CNTN3: variants seen among roughly 807,000 people sequenced by gnomAD.
CNTN3 encodes contactin-3.
Under a neutral mutation model 119.1 loss-of-function variants are expected in CNTN3, and 60 were observed. That is an observed-to-expected ratio of 0.50 (90% CI 0.41 to 0.62). The LOEUF (loss-of-function observed/expected upper bound fraction) is 0.62, where lower values mean the gene tolerates loss of function less well. Ranked by LOEUF, CNTN3 falls within the 20% of genes least tolerant of loss-of-function variation. The probability of loss-of-function intolerance (pLI) is 0.00; values close to 1 mark genes in which losing one functional copy is unlikely to be tolerated. For synonymous variants in CNTN3, 450 were observed against 438.7 expected, an observed-to-expected ratio of 1.03 and a Z score of -0.32; for missense variants, 1,101 against 1,242.4, an observed-to-expected ratio of 0.89 and a Z score of 1.71.
chr3:74,557,992 T>A (rs1306525558), intron 1 of CNTN3, among the ~76,000 whole-genome samples: 3 of 152,228 alleles, frequency 2.0e-5, no homozygotes, highest in African/African-American at 7.2e-5. Flanking sequence ...CAGAATGAAA[T>A]ATTCTTTACC....
rs549169868 is a variant in CNTN3 at position 74,437,691 on chromosome 3, A to ATG, written c.359-12753_359-12752dup. 3.6e-3 allele frequency among the ~76,000 whole-genome samples: 550 copies of ATG among 151,496 alleles called. 1 individual carries two copies. The Middle Eastern group carries it at 0.055, about 15-fold the overall frequency. On this transcript the variant is annotated intron_variant, in intron 4 of 22. Coordinates refer to ENST00000263665, the MANE Select transcript of CNTN3 (RefSeq NM_020872.3). ...TTTCTTATACTTCAAGTGTTTATATATGTGTGTGTGTGTGTATATATACAT... is the reference window on the plus strand; with the variant it reads ...TTTCTTATACTTCAAGTGTTTATATATGTGTGTGTGTGTGTGTATATATACAT...
chr3:74,611,420 C>G (rs914478965), intron 1 of CNTN3, among the ~76,000 whole-genome samples: 2 of 152,064 alleles, frequency 1.3e-5, no homozygotes, highest in Admixed American at 1.3e-4. Flanking sequence ...AAGTTTCAAC[C>G]AGGGAGTGCA....
At chr3:74,412,281 T>C (rs1366135860) in intron 5 of CNTN3, among the ~76,000 whole-genome samples, 1 of 152,180 alleles carries the variant, frequency 6.6e-6, no homozygotes, top group Admixed American at 6.5e-5. Flanking sequence ...TATCCTCACT[T>C]TGGGGGCATA....
chr3:74,548,465 G>T (rs1703944780), intron 1 of CNTN3, among the ~76,000 whole-genome samples: 1 of 152,106 alleles, frequency 6.6e-6, no homozygotes, highest in Admixed American at 6.6e-5. Flanking sequence ...TTTTTCCAAA[G>T]AATTTGTTGA....
chr3:74,574,811 G>T (rs1303452437), intron 1 of CNTN3, among the ~76,000 whole-genome samples: 1 of 152,128 alleles, frequency 6.6e-6, no homozygotes, highest in African/African-American at 2.4e-5. Context: ...TATATACTTA[G>T]TCTTATCACT....
Position 74,614,493 on chromosome 3 carries a change from C to CG in CNTN3, c.-184dup, listed in dbSNP as rs1220123309. 1.4e-5 allele frequency among the ~76,000 whole-genome samples: 2 copies of CG among 146,434 alleles called. No homozygotes were observed. The highest frequency in any genetic ancestry group is 3.0e-5 in the Non-Finnish European group (2 of 65,980). ...GCCGCCGCCGCAGTTAGTCCGGGCC[C>CG]GGGGGGCCGCCGTGCGCGCCCGCGT... On this transcript the variant is annotated 5_prime_UTR_variant, in exon 1 of 23. Coordinates refer to ENST00000263665, the MANE Select transcript of CNTN3 (RefSeq NM_020872.3).
chr3:74,373,978 T>C (rs1704406406), intron 5 of CNTN3, among the ~76,000 whole-genome samples: 3 of 152,108 alleles, frequency 2.0e-5, no homozygotes, highest in South Asian at 2.1e-4. Context: ...CAGAACACAG[T>C]TGACTGATGG....
intron 2 of CNTN3, among the ~76,000 whole-genome samples, chr3:74,505,669 G>A (rs1703245500): frequency 6.6e-6 from 1 of 151,828 alleles, no homozygotes; most frequent in African/African-American, 2.4e-5. Flanking sequence ...GCAGCTAAAA[G>A]CTATACTGTA....
At chr3:74,454,578 C>T (rs1015364073) in intron 4 of CNTN3, among the ~76,000 whole-genome samples, 4 of 151,508 alleles carry the variant, frequency 2.6e-5, no homozygotes, top group Non-Finnish European at 2.9e-5. Context: ...TTATTTTGCT[C>T]GTTAGTTGAT....
intron 4 of CNTN3, among the ~76,000 whole-genome samples, chr3:74,427,137 G>A (rs189169461): frequency 3.3e-5 from 5 of 152,270 alleles, no homozygotes; most frequent in Admixed American, 2.0e-4. Flanking sequence ...TGCAGTGCAC[G>A]AGTGCAAGGA....
At chr3:74,588,660 C>A (rs1704642327) in intron 1 of CNTN3, among the ~76,000 whole-genome samples, 1 of 152,024 alleles carries the variant, frequency 6.6e-6, no homozygotes, top group Admixed American at 6.6e-5. Flanking sequence ...CATTCCTAAG[C>A]CAAAAGAACA....
rs373453867 is a variant in CNTN3, at chr3:74,528,050, T to C, written c.-80-6858A>G. ...TTAGACTTTAGGGTCTTACTACATATAATAATGAAAGGAAAACTAAATGAT... is the reference window on the plus strand; with the variant it reads ...TTAGACTTTAGGGTCTTACTACATACAATAATGAAAGGAAAACTAAATGAT... On this transcript the variant is annotated intron_variant, in intron 1 of 22. Coordinates refer to ENST00000263665, the MANE Select transcript of CNTN3 (RefSeq NM_020872.3). Among the ~76,000 whole-genome samples, 41 of 151,992 alleles carry C rather than the reference T, an allele frequency of 2.7e-4. No individual in the cohort carries two copies. In the East Asian group the frequency reaches 7.6e-3, roughly 28 times the overall value.
chr3:74,273,171 T>C (rs769800282), intron 20 of CNTN3, among the ~76,000 whole-genome samples: 7 of 152,176 alleles, frequency 4.6e-5, no homozygotes, highest in Admixed American at 6.5e-5. Context: ...AATTCTGTGT[T>C]TGAGGTAGCA....
At chr3:74,487,214 G>T (rs2107045940) in intron 3 of CNTN3, among the ~76,000 whole-genome samples, 1 of 152,212 alleles carries the variant, frequency 6.6e-6, no homozygotes, top group Admixed American at 6.5e-5. Flanking sequence ...AAAAGGTAAA[G>T]GCACTAACCC....
intron 3 of CNTN3, among the ~76,000 whole-genome samples, chr3:74,494,780 T>C (rs1703029776): frequency 6.6e-6 from 1 of 152,100 alleles, no homozygotes; most frequent in Non-Finnish European, 1.5e-5. Context: ...ATTTGGAATG[T>C]AAGAATGAAG....
At chr3:74,577,893 C>T (rs528789676) in intron 1 of CNTN3, among the ~76,000 whole-genome samples, 67 of 152,074 alleles carry the variant, frequency 4.4e-4, no homozygotes, top group African/African-American at 1.5e-3. Flanking sequence ...GGCAAGCATT[C>T]CATATGTATT....
intron 5 of CNTN3, among the ~76,000 whole-genome samples, chr3:74,399,258 C>G (rs752063476): frequency 6.6e-6 from 1 of 151,930 alleles, no homozygotes; most frequent in Non-Finnish European, 1.5e-5. Context: ...AAGCCTAGTA[C>G]CCATTAGTTA....
intron 11 of CNTN3, among the ~76,000 whole-genome samples, chr3:74,351,196 A>C (rs1292707758): frequency 6.6e-6 from 1 of 152,220 alleles, no homozygotes; most frequent in Non-Finnish European, 1.5e-5. Context: ...TACTTTACAC[A>C]CATTATTCTG....
chr3:74,399,581 G>A (rs969997103), intron 5 of CNTN3, among the ~76,000 whole-genome samples: 1 of 152,064 alleles, frequency 6.6e-6, no homozygotes, highest in Non-Finnish European at 1.5e-5. Context: ...CTTTGCTATT[G>A]TGAATAGTGC....
Sources: allele counts gnomAD v4.1 joint callset (sites outside exome capture counted in the v4.1 genomes callset), GRCh38; gene constraint gnomAD v4.1.1; transcripts MANE v1.5; gene names NCBI Gene and HGNC (gene_info 2026-07-23, HGNC 2026-07-21).